TRMT11: variants seen among roughly 807,000 people sequenced by gnomAD.
TRMT11 encodes the protein tRNA methyltransferase 11, also known as tRNA (guanine(10)-N(2))-methyltransferase TRMT11.
Under a neutral mutation model 62.8 loss-of-function variants are expected in TRMT11, and 53 were observed. The observed-to-expected ratio is 0.84, with a 90% confidence interval of 0.68 to 1.06. The LOEUF (loss-of-function observed/expected upper bound fraction) is 1.06, where lower values mean the gene tolerates loss of function less well. Ranked by LOEUF, TRMT11 falls within the 50% of genes least tolerant of loss-of-function variation. The pLI, the probability that TRMT11 is intolerant of heterozygous loss-of-function variation, is 0.00. For synonymous variants in TRMT11, 188 were observed against 190.3 expected, an observed-to-expected ratio of 0.99 and a Z score of 0.10; for missense variants, 556 against 553.4, an observed-to-expected ratio of 1.00 and a Z score of -0.05.
At chr6:126,215,426 A>G in the TRMT11 span, among the ~76,000 whole-genome samples, 28 of 148,970 alleles carry the variant, frequency 1.9e-4, no homozygotes, top group South Asian at 5.8e-3. Flanking sequence ...TGACCCCATT[A>G]TCATTATACA....
At chr6:126,270,261 A>T in the TRMT11 span, among the ~76,000 whole-genome samples, 1 of 152,118 alleles carries the variant, frequency 6.6e-6, no homozygotes, top group South Asian at 2.1e-4. Flanking sequence ...TGTTTTTATT[A>T]CAGAATTCGA....
chr6:126,138,670 T>C (rs1777880182), intron 21 of TRMT11, among the ~76,000 whole-genome samples: 1 of 152,062 alleles, frequency 6.6e-6, no homozygotes, highest in South Asian at 2.1e-4. Context: ...TATTTGAGGC[T>C]TCTAAAATGT....
intron 21 of TRMT11, among the ~76,000 whole-genome samples, chr6:126,132,636 A>G (rs1304229368): frequency 6.6e-6 from 1 of 152,072 alleles, no homozygotes; most frequent in African/African-American, 2.4e-5. Flanking sequence ...CCAATATGCC[A>G]TTCCGTCTAT....
chr6:126,228,374 T>C, the TRMT11 span, among the ~76,000 whole-genome samples: 1 of 152,206 alleles, frequency 6.6e-6, no homozygotes, highest in Admixed American at 6.5e-5. Flanking sequence ...ACCGTGTTAA[T>C]AAAAGTTCCT....
intron 1 of TRMT11, among the ~76,000 whole-genome samples, chr6:126,188,135 A>G (rs956852222): frequency 3.3e-5 from 5 of 151,998 alleles, no homozygotes; most frequent in African/African-American, 9.7e-5. Flanking sequence ...AAAATTAATA[A>G]TCTACTTATT....
At chr6:126,193,344 T>G (rs1033294621) in intron 1 of TRMT11, among the ~76,000 whole-genome samples, 2 of 151,952 alleles carry the variant, frequency 1.3e-5, no homozygotes, top group African/African-American at 2.4e-5. Context: ...TTTATTATTT[T>G]GTTTATATTT....
At chr6:126,049,226 A>G (rs917526661) in intron 16 of TRMT11, among the ~76,000 whole-genome samples, 2 of 152,348 alleles carry the variant, frequency 1.3e-5, no homozygotes, top group Admixed American at 6.5e-5. Context: ...TGTGGGATGC[A>G]TAAGTCTTTT....
chr6:125,998,371 T>A, intron 5 of TRMT11, 56 bp downstream of exon 5: 1 of 1,332,280 alleles, frequency 7.5e-7, no homozygotes, highest in Non-Finnish European at 1.1e-6. Context: ...CTGGCCATTG[T>A]TGATATATAG....
intron 21 of TRMT11, among the ~76,000 whole-genome samples, chr6:126,144,296 T>C (rs1777951380): frequency 6.6e-6 from 1 of 152,204 alleles, no homozygotes; most frequent in Non-Finnish European, 1.5e-5. Flanking sequence ...TCCACAGGGC[T>C]AACATCCAAA....
At chr6:125,990,892 A>G (rs1308577069) in intron 1 of TRMT11, among the ~76,000 whole-genome samples, 2 of 152,118 alleles carry the variant, frequency 1.3e-5, no homozygotes, top group Non-Finnish European at 1.5e-5. Context: ...TAATTTCCCT[A>G]AGATAAATGT....
chr6:125,992,962 C>T (rs1790862481), intron 1 of TRMT11, among the ~76,000 whole-genome samples: 1 of 152,146 alleles, frequency 6.6e-6, no homozygotes, highest in Non-Finnish European at 1.5e-5. Context: ...GAGTGGGGGA[C>T]TTCCTGGTCT....
chr6:125,988,802 T>C (rs1330482559), intron 1 of TRMT11, among the ~76,000 whole-genome samples: 2 of 152,336 alleles, frequency 1.3e-5, no homozygotes, highest in Non-Finnish European at 1.5e-5. Flanking sequence ...TCTGTGATTT[T>C]CTTCAGTTGT....
intron 1 of TRMT11, among the ~76,000 whole-genome samples, chr6:126,187,269 A>G (rs946820436): frequency 5.3e-5 from 8 of 152,010 alleles, no homozygotes; most frequent in African/African-American, 1.9e-4. Context: ...TCAAATTGCA[A>G]GATCCAAGAT....
At chr6:126,158,801 C>T (rs1290368812) in intron 21 of TRMT11, among the ~76,000 whole-genome samples, 1 of 152,110 alleles carries the variant, frequency 6.6e-6, no homozygotes, top group Non-Finnish European at 1.5e-5. Flanking sequence ...CTTCTCCCTC[C>T]TACAAAGGCC....
At chr6:125,995,702 G>T (rs187899568) in intron 2 of TRMT11, among the ~76,000 whole-genome samples, 1 of 152,064 alleles carries the variant, frequency 6.6e-6, no homozygotes, top group African/African-American at 2.4e-5. Flanking sequence ...AATTCCTTTC[G>T]TAAAGCTACA....
chr6:126,268,674 T>C, the TRMT11 span, among the ~76,000 whole-genome samples: 1 of 152,182 alleles, frequency 6.6e-6, no homozygotes, highest in Non-Finnish European at 1.5e-5. Flanking sequence ...TTGTTAAAAC[T>C]GAGTTCATAA....
chr6:126,180,381 A>G (rs1452836207), intron 1 of TRMT11, among the ~76,000 whole-genome samples: 1 of 152,226 alleles, frequency 6.6e-6, no homozygotes, highest in Non-Finnish European at 1.5e-5. Context: ...TGAACCTAGT[A>G]TCACCTTCAT....
chr6:126,180,363 T>C (rs1302272145), intron 1 of TRMT11, among the ~76,000 whole-genome samples: 1 of 152,234 alleles, frequency 6.6e-6, no homozygotes, highest in Non-Finnish European at 1.5e-5. Context: ...TTATTGCCAT[T>C]AGCCAAGTGA....
chr6:125,995,273 A>G (rs1791318447), intron 2 of TRMT11, among the ~76,000 whole-genome samples: 1 of 152,122 alleles, frequency 6.6e-6, no homozygotes, highest in African/African-American at 2.4e-5. Context: ...GGAGGAGGAA[A>G]GGAAGGAGAG....
Sources: gnomAD v4.1 joint callset for allele counts (sites outside exome capture counted in the v4.1 genomes callset) on GRCh38, gnomAD v4.1.1 for gene constraint, MANE v1.5 for transcripts, NCBI Gene and HGNC (gene_info 2026-07-23, HGNC 2026-07-21) for gene names.